MARK2: variants seen among roughly 807,000 people sequenced by gnomAD.
MARK2 encodes the protein microtubule affinity regulating kinase 2, also known as serine/threonine-protein kinase MARK2.
MARK2 carries 16 observed loss-of-function variants against 89.8 expected under a neutral mutation model. The ratio of observed to expected loss-of-function variants is 0.18; its 90% CI spans 0.12 to 0.27. The LOEUF (loss-of-function observed/expected upper bound fraction) is 0.27. Ranked by LOEUF, MARK2 falls within the 10% of genes least tolerant of loss-of-function variation. The pLI is 1.00. For missense variants in MARK2, 621 were observed against 1,049.9 expected, an observed-to-expected ratio of 0.59 and a Z score of 5.65; for synonymous variants, 382 against 399.5, an observed-to-expected ratio of 0.96 and a Z score of 0.52.
At chr11:63,863,002 ACTTG>A (rs1469010882) in intron 1 of MARK2, among the ~76,000 whole-genome samples, 1 of 152,208 alleles carries the variant, frequency 6.6e-6, no homozygotes, top group Non-Finnish European at 1.5e-5. Flanking sequence ...GCACAGAGCT[ACTTG>A]CTTGTAGCCT....
intron 1 of MARK2, among the ~76,000 whole-genome samples, chr11:63,859,499 T>G (rs1937625685): frequency 6.6e-6 from 1 of 152,056 alleles, no homozygotes; most frequent in African/African-American, 2.4e-5. Context: ...TTTTGTATTT[T>G]TAGTAGAGAA....
chr11:63,839,558 C>G lies in MARK2; in HGVS notation c.52C>G (p.Gln18Glu), dbSNP rs1352379758. ...CACGCTGAACGAGAGGGACACGGAG[C>G]AGGTAAGGAGCCCCGAGGGCTCCCC... Reference protein sequence around the residue: ...LPTLNERDTEQPTLGHLDSKP... With the variant: ...LPTLNERDTEEPTLGHLDSKP... The change falls in exon 1 of 19, where the codon CAG (glutamine) becomes GAG (glutamate). Residue 18 changes from glutamine (Q) to glutamate (E), a missense_variant and splice_region_variant. Gln to Glu is a conservative substitution (Grantham distance 29). Around this residue, in one of 5 missense-constraint regions of MARK2, gnomAD observed 60 missense variants for 73.2 expected, o/e 0.82. Coordinates refer to ENST00000402010, the MANE Select transcript of MARK2 (RefSeq NM_001039469.3). The G allele has an allele frequency of 6.5e-7, 1 of 1,533,688 alleles. No homozygotes were observed. The highest frequency in any genetic ancestry group is 8.8e-7 in the Non-Finnish European group (1 of 1,138,100).
intron 1 of MARK2, among the ~76,000 whole-genome samples, chr11:63,848,209 T>A (rs2016377020): frequency 6.6e-6 from 1 of 152,194 alleles, no homozygotes; most frequent in African/African-American, 2.4e-5. Flanking sequence ...TAGTAATTAG[T>A]GAGTGTAACT....
intron 1 of MARK2, among the ~76,000 whole-genome samples, chr11:63,849,070 T>G (rs1356529722): frequency 2.0e-5 from 3 of 152,108 alleles, no homozygotes; most frequent in Non-Finnish European, 4.4e-5. Flanking sequence ...AGTGGTGTGA[T>G]CATAGCCCAC....
At chr11:63,894,960 C>T (rs890552840) in intron 1 of MARK2, among the ~76,000 whole-genome samples, 199 bp from the exon 2 acceptor site, 4 of 152,180 alleles carry the variant, frequency 2.6e-5, no homozygotes, top group African/African-American at 9.7e-5. Context: ...GGCACTGGAC[C>T]TTATGATGTG....
intron 1 of MARK2, among the ~76,000 whole-genome samples, chr11:63,840,922 C>T (rs538745164): frequency 6.6e-5 from 10 of 152,242 alleles, no homozygotes; most frequent in African/African-American, 1.7e-4. Context: ...CACTTTTGAT[C>T]CCAGAGACGT....
intron 1 of MARK2, among the ~76,000 whole-genome samples, chr11:63,885,772 T>C (rs993071236): frequency 1.3e-5 from 2 of 151,088 alleles, no homozygotes; most frequent in Non-Finnish European, 2.9e-5. Flanking sequence ...AAGCGGAGGT[T>C]GCAGTGAGCC....
chr11:63,840,631 T>C (rs1028132666), intron 1 of MARK2, among the ~76,000 whole-genome samples: 2 of 152,178 alleles, frequency 1.3e-5, no homozygotes, highest in Non-Finnish European at 2.9e-5. Flanking sequence ...GCCTTCCTGT[T>C]TCTCCACCCT....
Position 63,903,000 on chromosome 11 carries a change from A to T in MARK2, c.1417-61A>T. 1 of 1,417,624 alleles carries T rather than the reference A, an allele frequency of 7.1e-7. No homozygotes were observed. Among genetic ancestry groups the T allele is most frequent in the Non-Finnish European group, 1.0e-6 (1 of 1,003,178 alleles). The allele number at this position is 1,417,624 out of a possible 1,614,324, so 87.8% of individuals were successfully genotyped here. A position where few individuals can be genotyped will look rare whatever the true frequency, so the allele number is the denominator to read the frequency against. On this transcript the variant is annotated intron_variant, in intron 13 of 18. Transcript: ENST00000402010. The surrounding 1 kb of genome is among the most constrained non-coding windows in gnomAD (Gnocchi z 4.2). Reference sequence around the variant, plus strand: ...AAGCCTGTTCCATGAACCTGGGGGGAGAACCTGGCTGTAGACCACTTTGGC... The same window carrying T: ...AAGCCTGTTCCATGAACCTGGGGGGTGAACCTGGCTGTAGACCACTTTGGC...
intron 3 of MARK2, among the ~76,000 whole-genome samples, 163 bp downstream of exon 3, chr11:63,895,796 A>C (rs529677338): frequency 1.5e-4 from 23 of 150,760 alleles, no homozygotes; most frequent in Admixed American, 3.3e-4. Flanking sequence ...CAGCCTCCCG[A>C]GTAGCTGGGA....
chr11:63,901,220 C>CT, intron 11 of MARK2, 151 bp downstream of exon 11: 1 of 632,576 alleles, frequency 1.6e-6, no homozygotes, highest in Non-Finnish European at 2.9e-6. Flanking sequence ...GTCTAAGGTC[C>CT]TCTGGCCCAT....
At chr11:63,873,112 G>A (rs1299734509) in intron 1 of MARK2, among the ~76,000 whole-genome samples, 4 of 152,044 alleles carry the variant, frequency 2.6e-5, no homozygotes, top group Non-Finnish European at 5.9e-5. Context: ...CCTTAGGGGT[G>A]ATGGTGACCC....
At chr11:63,855,375 T>C (rs2016787523) in intron 1 of MARK2, among the ~76,000 whole-genome samples, 1 of 152,046 alleles carries the variant, frequency 6.6e-6, no homozygotes, top group South Asian at 2.1e-4. Context: ...GTTTAAAAAA[T>C]TAGCTAAGCA....
intron 7 of MARK2, among the ~76,000 whole-genome samples, chr11:63,899,484 C>G (rs762987025): frequency 1.7e-4 from 26 of 152,292 alleles, no homozygotes; most frequent in Admixed American, 2.6e-4. Context: ...ACAGCTGTAT[C>G]CCAGCTGCTT....
intron 1 of MARK2, among the ~76,000 whole-genome samples, chr11:63,883,487 G>A (rs1336954693): frequency 2.0e-5 from 3 of 152,198 alleles, no homozygotes; most frequent in Admixed American, 6.5e-5. Context: ...GGAAACAATG[G>A]TTCCTACCCA....
chr11:63,906,738 C>T (rs1941369056), intron 17 of MARK2, among the ~76,000 whole-genome samples: 1 of 151,982 alleles, frequency 6.6e-6, no homozygotes, highest in African/African-American at 2.4e-5. Context: ...CTGGCTCCCC[C>T]AGACCTTAGG....
intron 1 of MARK2, among the ~76,000 whole-genome samples, chr11:63,866,225 A>C (rs191925021): frequency 1.3e-5 from 2 of 151,976 alleles, no homozygotes; most frequent in African/African-American, 4.8e-5. Flanking sequence ...GGTGGTGTGC[A>C]TCTGTAATCC....
Position 63,895,609 on chromosome 11 carries a change from A to G in MARK2, c.264A>G (p.Gln88=), listed in dbSNP as rs760324570. 8.7e-6 allele frequency: 14 copies of G among 1,611,272 alleles called. No homozygotes were observed. The highest frequency in any genetic ancestry group is 4.5e-5 in the East Asian group (2 of 44,804). ...EVAVKIIDKT[Q]LNSSSLQKLF... ...CTGTGAAGATCATTGACAAGACTCAACTGAACTCCTCCAGCCTCCAGAAAG... is the reference window on the plus strand; with the variant it reads ...CTGTGAAGATCATTGACAAGACTCAGCTGAACTCCTCCAGCCTCCAGAAAG... Residue 88 remains glutamine (Q), a synonymous_variant, in exon 3 of 19, where the codon CAA becomes CAG. Coordinates refer to ENST00000402010, the MANE Select transcript of MARK2 (RefSeq NM_001039469.3).
chr11:63,871,247 C>T (rs572398317), intron 1 of MARK2, among the ~76,000 whole-genome samples: 19 of 152,174 alleles, frequency 1.2e-4, no homozygotes, highest in Non-Finnish European at 1.9e-4. Context: ...CTCCCCCCAC[C>T]GCCATGTGCC....
Sources: allele counts gnomAD v4.1 joint callset (sites outside exome capture counted in the v4.1 genomes callset), GRCh38; gene constraint gnomAD v4.1.1; regional missense constraint gnomAD v4.1.1; non-coding constraint Gnocchi (gnomAD v3.1); transcripts MANE v1.5; gene names NCBI Gene and HGNC (gene_info 2026-07-23, HGNC 2026-07-21).